GC: variants seen among roughly 807,000 people sequenced by gnomAD.
GC encodes the protein vitamin D-binding protein.
GC carries 43 observed loss-of-function variants against 56.7 expected under a neutral mutation model. That is an observed-to-expected ratio of 0.76 (90% CI 0.59 to 0.98). The LOEUF (loss-of-function observed/expected upper bound fraction) is 0.98. Among genes scored for constraint, GC ranks in the 50% least tolerant of loss-of-function variants. The pLI, the probability that GC is intolerant of heterozygous loss-of-function variation, is 0.00. For missense variants in GC, 529 were observed against 545.9 expected (o/e 0.97, Z 0.31); for synonymous variants, 216 against 202.7 (o/e 1.07, Z -0.56).
chr4:71,793,692 G>A (rs1342744992), intron 1 of GC, among the ~76,000 whole-genome samples: 1 of 152,148 alleles, frequency 6.6e-6, no homozygotes, highest in Non-Finnish European at 1.5e-5. Flanking sequence ...CCAACACTAT[G>A]CTGAATAGGA....
intron 12 of GC, among the ~76,000 whole-genome samples, chr4:71,744,682 A>G (rs1439585691): frequency 6.6e-6 from 1 of 152,180 alleles, no homozygotes; most frequent in East Asian, 1.9e-4. Flanking sequence ...AAGTTATCAT[A>G]TAGCTTTCCA....
chr4:71,770,971 G>A (rs149321351), intron 1 of GC, among the ~76,000 whole-genome samples: 1 of 152,090 alleles, frequency 6.6e-6, no homozygotes, highest in African/African-American at 2.4e-5. Flanking sequence ...GTAATAGGGC[G>A]GACACATCAA....
chr4:71,795,754 A>G (rs1444050231), intron 1 of GC, among the ~76,000 whole-genome samples: 2 of 152,196 alleles, frequency 1.3e-5, no homozygotes, highest in African/African-American at 2.4e-5. Context: ...CCTAGCATCT[A>G]TGGGCTTTAC....
At position 71,755,017 on chromosome 4, in the gene GC, G is replaced by A. The variant is rs1023659662; in HGVS notation, c.1125C>T (p.Cys375=). 8.1e-6 allele frequency: 13 copies of A among 1,596,368 alleles called. No homozygotes were observed. Among genetic ancestry groups the A allele is most frequent in the Non-Finnish European group, 1.1e-5 (13 of 1,172,568 alleles). ...LEPTLKSLGE[C]CDVEDSTTCF... ...AGGTAGTTGAGTCTTCAACATCACA[G>A]CATTCACCAAGGCTTTTTAGGGTTG... The change falls in exon 9 of 13, where the codon TGC becomes TGT. Residue 375 remains cysteine (C), a synonymous_variant. Coordinates refer to ENST00000273951, the MANE Select transcript of GC (RefSeq NM_000583.4).
Position 71,789,143 on chromosome 4 carries a change from T to C in GC, c.22-5089A>G, listed in dbSNP as rs1461066658. ...GAAGCAGAAGGTGATAAAGAGAAAA[T>C]GAGAGAATCGAGAAAAGAAGAGAAT... On this transcript the variant is annotated intron_variant, in intron 1 of 13. Coordinates refer to the GC transcript ENST00000504199. Among the ~76,000 whole-genome samples the C allele has an allele frequency of 2.7e-5, 4 of 149,968 alleles. No homozygotes were observed. The East Asian group carries it at 5.9e-4, about 22-fold the overall frequency.
Position 71,752,552 on chromosome 4 carries a change from G to A in GC, c.1361C>T (p.Ser454Phe), listed in dbSNP as rs920239993. The change falls in exon 11 of 13, where the codon TCC becomes TTC. Residue 454 changes from serine to phenylalanine, a missense_variant. Coordinates refer to ENST00000273951, the MANE Select transcript of GC (RefSeq NM_000583.4). ...KHSDFASNCC[S>F]INSPPLYCDS... ...ACAGTAAAGAGGAGGTGAGTTTATG[G>A]AACAGCAGTTGGAGGCAAAGTCTGA... 6 of 1,613,314 alleles carry A rather than the reference G, an allele frequency of 3.7e-6. No homozygotes were observed. Among genetic ancestry groups the A allele is most frequent in the Non-Finnish European group, 5.1e-6 (6 of 1,179,338 alleles).
intron 11 of GC, among the ~76,000 whole-genome samples, chr4:71,747,226 T>G (rs1474917634): frequency 1.3e-5 from 2 of 152,128 alleles, no homozygotes; most frequent in Non-Finnish European, 2.9e-5. Context: ...GGACAAGATA[T>G]TGGGGGAGAA....
At chr4:71,757,796 A>T (rs1468057084) in intron 7 of GC, among the ~76,000 whole-genome samples, 2 of 152,216 alleles carry the variant, frequency 1.3e-5, no homozygotes, top group East Asian at 3.8e-4. Context: ...TGGAAATCAG[A>T]TAATCTCATC....
intron 3 of GC, among the ~76,000 whole-genome samples, chr4:71,766,845 A>G (rs1199736999): frequency 2.0e-5 from 3 of 152,144 alleles, no homozygotes; most frequent in Non-Finnish European, 4.4e-5. Flanking sequence ...AAAAAGGTTG[A>G]CAAAATGTCA....
intron 11 of GC, among the ~76,000 whole-genome samples, chr4:71,749,520 C>T (rs1026319290): frequency 2.0e-5 from 3 of 152,138 alleles, no homozygotes; most frequent in African/African-American, 7.2e-5. Flanking sequence ...AGACTGTTTT[C>T]TTCTTCTTTC....
chr4:71,791,648 T>C (rs1037727652), intron 1 of GC, among the ~76,000 whole-genome samples: 2 of 152,036 alleles, frequency 1.3e-5, no homozygotes, highest in African/African-American at 4.8e-5. Flanking sequence ...ATGTATTTCA[T>C]TGGATTTATA....
intron 1 of GC, among the ~76,000 whole-genome samples, chr4:71,790,910 T>A (rs1323909477): frequency 1.3e-5 from 2 of 151,850 alleles, no homozygotes; most frequent in African/African-American, 2.4e-5. Context: ...AAGCTATCCC[T>A]CCCCTCTCCC....
At chr4:71,769,189 T>G in intron 2 of GC, 142 bp downstream of exon 2, 1 of 610,828 alleles carries the variant, frequency 1.6e-6, no homozygotes, top group Non-Finnish European at 2.9e-6. Context: ...TTGACTCCTG[T>G]GCCTACCTTG....
intron 10 of GC, among the ~76,000 whole-genome samples, chr4:71,753,142 C>T (rs1741609700): frequency 6.6e-6 from 1 of 152,098 alleles, no homozygotes; most frequent in African/African-American, 2.4e-5. Flanking sequence ...TTATTTTTAG[C>T]TCTACTAAAA....
rs181133267 is a variant in GC at position 71,760,191 on chromosome 4, C to G, written c.702-2020G>C. On this transcript the variant is annotated intron_variant, in intron 6 of 12. Coordinates refer to ENST00000273951, the MANE Select transcript of GC (RefSeq NM_000583.4). Reference sequence around the variant, plus strand: ...CCTGAGTAGCTGGGACTATAGGCGCCCACCACCATGCCTGGCTAATTTTTT... The same window carrying G: ...CCTGAGTAGCTGGGACTATAGGCGCGCACCACCATGCCTGGCTAATTTTTT... 2.3e-3 allele frequency among the ~76,000 whole-genome samples: 355 copies of G among 151,680 alleles called. 9 individuals carry two copies. In the East Asian group the frequency reaches 0.058, roughly 25 times the overall value.
At chr4:71,801,107 A>G (rs1743237480) in intron 1 of GC, among the ~76,000 whole-genome samples, 2 of 152,210 alleles carry the variant, frequency 1.3e-5, no homozygotes, top group South Asian at 4.1e-4. Flanking sequence ...TATCCAGAAG[A>G]GAGAACTCTT....
In GC at chr4:71,754,526, T is replaced by C; in HGVS notation, c.1165-18A>G. The C allele has an allele frequency of 8.1e-7, 1 of 1,235,300 alleles. No homozygotes were observed. The highest frequency in any genetic ancestry group is 1.2e-6 in the Non-Finnish European group (1 of 843,198). The allele number at this position is 1,235,300 out of a possible 1,614,324, so 76.5% of individuals were successfully genotyped here. On this transcript the variant is annotated intron_variant, in intron 9 of 12. Transcript: ENST00000273951. The stretch of plus-strand genomic sequence containing the variant: ...AGAGGGCCCTGTAAGAAAACAATAA[T>C]TGCATAACAAAATTATTTGTCTTGA...
chr4:71,798,013 T>A (rs934217369), intron 1 of GC, among the ~76,000 whole-genome samples: 1 of 152,242 alleles, frequency 6.6e-6, no homozygotes, highest in Non-Finnish European at 1.5e-5. Flanking sequence ...ATCCCATGTG[T>A]GCCTGCTCAG....
At chr4:71,799,243 T>G (rs1222762474) in intron 1 of GC, among the ~76,000 whole-genome samples, 2 of 152,196 alleles carry the variant, frequency 1.3e-5, no homozygotes, top group African/African-American at 2.4e-5. Context: ...CTGCAATATT[T>G]GAACCAAGAT....
Sources: gnomAD v4.1 joint callset for allele counts (sites outside exome capture counted in the v4.1 genomes callset) on GRCh38, gnomAD v4.1.1 for gene constraint, MANE v1.5 for transcripts, NCBI Gene and HGNC (gene_info 2026-07-23, HGNC 2026-07-21) for gene names.